The following CSMD1 variants were observed in gnomAD, a reference collection of about 807,000 sequenced individuals.
CSMD1 encodes the protein CUB and Sushi multiple domains 1.
A neutral mutation model predicts 417.5 loss-of-function variants in CSMD1; 213 were observed. The ratio of observed to expected loss-of-function variants is 0.51; its 90% CI spans 0.46 to 0.57. CSMD1 has a LOEUF of 0.57. Among genes scored for constraint, CSMD1 ranks in the 20% least tolerant of loss-of-function variants. The pLI, the probability that CSMD1 is intolerant of heterozygous loss-of-function variation, is 0.00. For synonymous variants in CSMD1, 2,862 were observed against 1,736.8 expected (o/e 1.65, Z -16.11); for missense variants, 6,923 against 4,529.7 (o/e 1.53, Z -15.17).
intron 18 of CSMD1, among the ~76,000 whole-genome samples, chr8:3,385,421 T>A (rs933265955): frequency 6.6e-6 from 1 of 151,688 alleles, no homozygotes; most frequent in Admixed American, 6.6e-5. Context: ...TGACCTGTTA[T>A]CCTGAATGCA....
intron 3 of CSMD1, among the ~76,000 whole-genome samples, chr8:4,092,566 C>G (rs75491979): frequency 6.6e-6 from 1 of 152,092 alleles, no homozygotes; most frequent in African/African-American, 2.4e-5. Context: ...AAATGTGATT[C>G]TCTTTCTTAA....
At chr8:3,671,637 C>CTA (rs1799073553) in intron 7 of CSMD1, among the ~76,000 whole-genome samples, 1 of 144,746 alleles carries the variant, frequency 6.9e-6, no homozygotes. Flanking sequence ...AATATACCAT[C>CTA]TATTTAGGCT....
chr8:3,224,028 G>C (rs60316963), intron 27 of CSMD1, among the ~76,000 whole-genome samples, 161 bp from the exon 28 acceptor site: 41,486 of 151,952 alleles, frequency 0.27, 5,777 homozygotes, highest in East Asian at 0.31. Flanking sequence ...TGATAAAATT[G>C]TAAGACCCAG....
At chr8:3,414,115 T>TCAGAGCTGGACTCC (rs1469893654) in intron 12 of CSMD1, among the ~76,000 whole-genome samples, 1 of 141,400 alleles carries the variant, frequency 7.1e-6, no homozygotes, top group Admixed American at 7.5e-5. Flanking sequence ...GTCCAGCCTG[T>TCAGAGCTGGACTCC]GTGACAGAGC....
intron 3 of CSMD1, among the ~76,000 whole-genome samples, chr8:4,202,676 C>G (rs1301633847): frequency 2.6e-5 from 4 of 152,132 alleles, no homozygotes; most frequent in African/African-American, 9.7e-5. Context: ...ACTCATAAAA[C>G]TTTCAGTGAA....
intron 1 of CSMD1, among the ~76,000 whole-genome samples, chr8:4,659,440 A>G (rs1379609544): frequency 6.6e-6 from 1 of 152,208 alleles, no homozygotes; most frequent in Admixed American, 6.6e-5. Context: ...ATAGACTTGC[A>G]GTGGAATACC....
intron 3 of CSMD1, among the ~76,000 whole-genome samples, chr8:4,104,911 G>A (rs1801491391): frequency 6.6e-6 from 1 of 151,878 alleles, no homozygotes; most frequent in South Asian, 2.1e-4. Flanking sequence ...ATCCCACTGT[G>A]AGTGAGAATT....
At position 3,412,038 on chromosome 8, in the gene CSMD1, A is replaced by ACG. The variant is rs1491503889; in HGVS notation, c.1562-2434_1562-2433insCG. On this transcript the variant is annotated intron_variant, in intron 12 of 69. Transcript: ENST00000635120. ...TACATATACACACGTATATATACAC[A>ACG]TATATACACGTATATATACACACGT... Among the ~76,000 whole-genome samples, 2 of 81,126 alleles carry ACG rather than the reference A, an allele frequency of 2.5e-5. 1 individual carries two copies. Among genetic ancestry groups the ACG allele is most frequent in the East Asian group, 9.4e-4 (2 of 2,136 alleles). 53.2% of individuals were successfully genotyped at this position (81,126 alleles called of 152,430 possible).
intron 3 of CSMD1, among the ~76,000 whole-genome samples, chr8:4,405,964 T>C (rs1168607230): frequency 6.6e-6 from 1 of 152,218 alleles, no homozygotes; most frequent in Admixed American, 6.5e-5. Context: ...TCTGTTCTGC[T>C]CGCCTGTCCT....
chr8:3,474,023 G>A (rs112020079), intron 11 of CSMD1, among the ~76,000 whole-genome samples: 9,282 of 151,898 alleles, frequency 0.061, 460 homozygotes, highest in East Asian at 0.21. Flanking sequence ...GGGGGAAACT[G>A]CCCCCATGAT....
chr8:4,282,472 C>G (rs1469668922), intron 3 of CSMD1, among the ~76,000 whole-genome samples: 1 of 152,122 alleles, frequency 6.6e-6, no homozygotes, highest in African/African-American at 2.4e-5. Flanking sequence ...GCCATTTTTG[C>G]TTATTTAATT....
At chr8:3,069,786 G>T (rs1380170059) in intron 49 of CSMD1, among the ~76,000 whole-genome samples, 1 of 152,168 alleles carries the variant, frequency 6.6e-6, no homozygotes, top group East Asian at 1.9e-4. Flanking sequence ...ACTCTGCATG[G>T]GGTTTCAACC....
chr8:4,404,871 T>A (rs895620273), intron 3 of CSMD1, among the ~76,000 whole-genome samples: 3 of 152,186 alleles, frequency 2.0e-5, no homozygotes, highest in Non-Finnish European at 4.4e-5. Flanking sequence ...CACACTTCCA[T>A]GCACTTCACA....
intron 5 of CSMD1, among the ~76,000 whole-genome samples, chr8:3,991,724 T>G (rs889278806): frequency 2.6e-5 from 4 of 152,176 alleles, no homozygotes; most frequent in African/African-American, 9.7e-5. Context: ...TCCATCTTCC[T>G]GTTTTGAAAT....
intron 3 of CSMD1, among the ~76,000 whole-genome samples, chr8:4,234,451 A>G (rs1801927485): frequency 6.6e-6 from 1 of 151,930 alleles, no homozygotes; most frequent in African/African-American, 2.4e-5. Context: ...CAAGACGTCC[A>G]TTTCTCTGTG....
rs184626391 is a variant in CSMD1 at position 3,049,562 on chromosome 8, G to A, written c.7660+2900C>T. ...ATGGAGATGAAAGATCAAGGTCAGT[G>A]TTTGTCAGGGGTTGGATGCAGGAAG... On this transcript the variant is annotated intron_variant, in intron 50 of 69. Transcript: ENST00000635120. 2.9e-3 allele frequency among the ~76,000 whole-genome samples: 444 copies of A among 152,244 alleles called. 5 individuals carry two copies. The highest frequency in any genetic ancestry group is 8.1e-3 in the African/African-American group (335 of 41,574).
chr8:4,729,352 C>T (rs1262995210), intron 1 of CSMD1, among the ~76,000 whole-genome samples: 2 of 152,054 alleles, frequency 1.3e-5, no homozygotes, highest in African/African-American at 4.8e-5. Context: ...AAGACAGTAA[C>T]TGATTGCAGT....
intron 6 of CSMD1, among the ~76,000 whole-genome samples, chr8:3,736,434 G>C (rs548574565): frequency 1.3e-5 from 2 of 152,156 alleles, no homozygotes; most frequent in Non-Finnish European, 2.9e-5. Context: ...ATGTAGCAAT[G>C]TGGTCTCACT....
intron 3 of CSMD1, among the ~76,000 whole-genome samples, chr8:4,403,297 C>G (rs1404027956): frequency 1.3e-5 from 2 of 152,158 alleles, no homozygotes; most frequent in Non-Finnish European, 2.9e-5. Flanking sequence ...TCTTCATTCC[C>G]CCTTTCTACA....
Sources: gnomAD v4.1 joint callset for allele counts (sites outside exome capture counted in the v4.1 genomes callset) on GRCh38, gnomAD v4.1.1 for gene constraint, MANE v1.5 for transcripts, NCBI Gene and HGNC (gene_info 2026-07-23, HGNC 2026-07-21) for gene names.